Variants in PRKAR2B observed in about 807,000 individuals in gnomAD.
The protein encoded by PRKAR2B is protein kinase cAMP-dependent type II regulatory subunit beta, also known as cAMP-dependent protein kinase type II-beta regulatory subunit.
A neutral mutation model predicts 49.9 loss-of-function variants in PRKAR2B; 14 were observed. The ratio of observed to expected loss-of-function variants is 0.28; its 90% CI spans 0.19 to 0.44. The LOEUF (loss-of-function observed/expected upper bound fraction) is 0.44. Ranked by LOEUF, PRKAR2B falls within the 20% of genes least tolerant of loss-of-function variation. The pLI is 1.00. For synonymous variants in PRKAR2B, 196 were observed against 197.7 expected (o/e 0.99, Z 0.07); for missense variants, 393 against 537.9 (o/e 0.73, Z 2.67).
At chr7:107,085,094 A>G (rs1794591788) in intron 2 of PRKAR2B, among the ~76,000 whole-genome samples, 2 of 152,092 alleles carry the variant, frequency 1.3e-5, no homozygotes, top group African/African-American at 2.4e-5. Context: ...TAAAAGATCT[A>G]CTTGTCTCTG....
intron 1 of PRKAR2B, among the ~76,000 whole-genome samples, chr7:107,056,645 A>G (rs1367193311): frequency 6.6e-6 from 1 of 151,898 alleles, no homozygotes. Context: ...AATGCTTGTG[A>G]TTTTTTCACA....
intron 2 of PRKAR2B, among the ~76,000 whole-genome samples, chr7:107,101,780 G>A (rs1422083383): frequency 6.6e-6 from 1 of 151,970 alleles, no homozygotes; most frequent in East Asian, 1.9e-4. Flanking sequence ...GGAATGCCAT[G>A]GGCTACCACT....
At chr7:107,089,708 C>T (rs1473151463) in intron 2 of PRKAR2B, among the ~76,000 whole-genome samples, 2 of 151,834 alleles carry the variant, frequency 1.3e-5, no homozygotes, top group East Asian at 1.9e-4. Flanking sequence ...AGATCTAAGG[C>T]CAACCTTACT....
intron 4 of PRKAR2B, 108 bp downstream of exon 4, chr7:107,128,403 G>A: frequency 1.3e-5 from 9 of 717,316 alleles, no homozygotes; most frequent in Non-Finnish European, 1.9e-5. Flanking sequence ...TGATCACCCT[G>A]GGGTGATGGT....
At chr7:107,080,175 G>A (rs1432577413) in intron 2 of PRKAR2B, among the ~76,000 whole-genome samples, 1 of 152,194 alleles carries the variant, frequency 6.6e-6, no homozygotes, top group Admixed American at 6.5e-5. Context: ...GGAGCACAGA[G>A]GTTTCAGTGG....
At chr7:107,129,848 G>A (rs1233296937) in intron 4 of PRKAR2B, among the ~76,000 whole-genome samples, 1 of 152,146 alleles carries the variant, frequency 6.6e-6, no homozygotes, top group East Asian at 1.9e-4. Context: ...TGGTTCTGGT[G>A]GGAGTGTGGC....
intron 1 of PRKAR2B, among the ~76,000 whole-genome samples, chr7:107,047,461 C>A (rs1246793668): frequency 6.6e-6 from 1 of 150,522 alleles, no homozygotes; most frequent in African/African-American, 2.4e-5. Context: ...TAAACACATA[C>A]ACCTTCTGAG....
intron 1 of PRKAR2B, among the ~76,000 whole-genome samples, chr7:107,062,338 A>G (rs1019745056): frequency 6.6e-6 from 1 of 152,240 alleles, no homozygotes; most frequent in African/African-American, 2.4e-5. Flanking sequence ...ATTAAAGAAT[A>G]TTTATAAAAG....
intron 5 of PRKAR2B, among the ~76,000 whole-genome samples, chr7:107,141,262 T>G (rs1334555187): frequency 1.3e-5 from 2 of 152,236 alleles, no homozygotes; most frequent in Non-Finnish European, 2.9e-5. Flanking sequence ...AGTATTAGTA[T>G]GTACTAGATG....
chr7:107,148,520 G>A (rs1287367409), intron 6 of PRKAR2B, among the ~76,000 whole-genome samples: 3 of 152,028 alleles, frequency 2.0e-5, no homozygotes, highest in South Asian at 2.1e-4. Flanking sequence ...TATAAAAATG[G>A]GCAGTTTGTG....
At chr7:107,082,194 T>C (rs1794527048) in intron 2 of PRKAR2B, 1 of 152,246 alleles carries the variant, frequency 6.6e-6, no homozygotes, top group African/African-American at 2.4e-5. Context: ...TTTATTTAGA[T>C]TTTGTGGATC....
At chr7:107,108,106 T>C (rs1218747065) in intron 2 of PRKAR2B, among the ~76,000 whole-genome samples, 2 of 151,996 alleles carry the variant, frequency 1.3e-5, no homozygotes, top group Non-Finnish European at 2.9e-5. Flanking sequence ...TGCCAAATGC[T>C]GAAAAACCTG....
At chr7:107,076,790 G>T (rs1006173017) in intron 2 of PRKAR2B, among the ~76,000 whole-genome samples, 2 of 152,016 alleles carry the variant, frequency 1.3e-5, no homozygotes, top group Non-Finnish European at 2.9e-5. Flanking sequence ...TAATTCACAG[G>T]TGAAATTAAT....
At chr7:107,093,775 C>T (rs1193106485) in intron 2 of PRKAR2B, among the ~76,000 whole-genome samples, 1 of 151,136 alleles carries the variant, frequency 6.6e-6, no homozygotes, top group Admixed American at 6.6e-5. Flanking sequence ...GGTTTTCTGT[C>T]CTTGCGATAG....
intron 1 of PRKAR2B, among the ~76,000 whole-genome samples, chr7:107,059,368 T>G (rs534399675): frequency 6.6e-6 from 1 of 152,290 alleles, no homozygotes; most frequent in South Asian, 2.1e-4. Context: ...TTCCATCAAC[T>G]TCTCTCTCCG....
intron 1 of PRKAR2B, among the ~76,000 whole-genome samples, chr7:107,050,859 T>G (rs1212373089): frequency 2.0e-5 from 3 of 151,212 alleles, no homozygotes; most frequent in Non-Finnish European, 2.9e-5. Context: ...CATTTTTTTC[T>G]GTTTTTGTTT....
At chr7:107,125,740 G>A (rs535578505) in intron 3 of PRKAR2B, among the ~76,000 whole-genome samples, 96 of 152,246 alleles carry the variant, frequency 6.3e-4, no homozygotes, top group African/African-American at 1.9e-3. Flanking sequence ...GAAACAGGAG[G>A]AGAGCAGTAG....
chr7:107,068,016 T>G (rs577462340), intron 1 of PRKAR2B, among the ~76,000 whole-genome samples: 1 of 152,318 alleles, frequency 6.6e-6, no homozygotes, highest in East Asian at 1.9e-4. Flanking sequence ...GACAGTTCTT[T>G]GTTGTGCAGG....
chr7:107,155,534 C>T (rs887971753), intron 8 of PRKAR2B, among the ~76,000 whole-genome samples: 16 of 152,168 alleles, frequency 1.1e-4, no homozygotes, highest in Admixed American at 3.9e-4. Context: ...CAGCATCTAT[C>T]GTTGCTTGAC....
Sources: gnomAD v4.1 joint callset for allele counts (sites outside exome capture counted in the v4.1 genomes callset) on GRCh38, gnomAD v4.1.1 for gene constraint, MANE v1.5 for transcripts, NCBI Gene and HGNC (gene_info 2026-07-23, HGNC 2026-07-21) for gene names.